The following MDGA2 variants were observed in gnomAD, a reference collection of about 807,000 sequenced individuals.
MDGA2 encodes the protein MAM domain-containing glycosylphosphatidylinositol anchor protein 2.
A neutral mutation model predicts 117.8 loss-of-function variants in MDGA2; 40 were observed. The observed-to-expected ratio is 0.34, with a 90% CI of 0.26 to 0.44. The LOEUF is 0.44. Ranked by LOEUF, MDGA2 falls within the 20% of genes least tolerant of loss-of-function variation. The pLI is 1.00. For synonymous variants in MDGA2, 452 were observed against 439.0 expected (o/e 1.03, Z -0.37); for missense variants, 1,123 against 1,250.6 (o/e 0.90, Z 1.54).
intron 7 of MDGA2, among the ~76,000 whole-genome samples, chr14:47,059,810 G>C (rs1194876314): frequency 6.6e-6 from 1 of 152,072 alleles, no homozygotes; most frequent in Non-Finnish European, 1.5e-5. Context: ...ATTAAGTCTA[G>C]AACATTTATG....
intron 1 of MDGA2, among the ~76,000 whole-genome samples, chr14:47,403,819 G>A (rs1382725003): frequency 6.6e-6 from 1 of 152,042 alleles, no homozygotes; most frequent in East Asian, 1.9e-4. Context: ...CATGAAACAG[G>A]CCATAAAAAT....
chr14:47,388,011 T>C (rs1444577253), intron 1 of MDGA2, among the ~76,000 whole-genome samples: 1 of 152,234 alleles, frequency 6.6e-6, no homozygotes, highest in East Asian at 1.9e-4. Flanking sequence ...CTGATCCTAA[T>C]GTATGGTTAC....
intron 1 of MDGA2, among the ~76,000 whole-genome samples, chr14:47,312,038 T>C (rs1023899082): frequency 1.3e-5 from 2 of 152,128 alleles, no homozygotes; most frequent in African/African-American, 4.8e-5. Flanking sequence ...AGTAAAAACA[T>C]TTGTCTAAAC....
At chr14:47,275,906 C>T (rs1010625303) in intron 2 of MDGA2, among the ~76,000 whole-genome samples, 2 of 152,104 alleles carry the variant, frequency 1.3e-5, no homozygotes, top group Non-Finnish European at 1.5e-5. Context: ...CCTGCATTAA[C>T]TTTGTGTCCT....
chr14:47,354,681 T>G (rs1442036448), intron 1 of MDGA2, among the ~76,000 whole-genome samples: 1 of 152,142 alleles, frequency 6.6e-6, no homozygotes, highest in Non-Finnish European at 1.5e-5. Context: ...TTGCAAATAA[T>G]AAAACCCCTT....
intron 1 of MDGA2, among the ~76,000 whole-genome samples, chr14:47,386,243 G>A (rs550708582): frequency 6.6e-6 from 1 of 152,168 alleles, no homozygotes; most frequent in South Asian, 2.1e-4. Flanking sequence ...ATCGCACCAT[G>A]CACTCCAGTG....
At chr14:47,394,052 C>CT (rs1891954175) in intron 1 of MDGA2, among the ~76,000 whole-genome samples, 1 of 152,026 alleles carries the variant, frequency 6.6e-6, no homozygotes, top group Non-Finnish European at 1.5e-5. Context: ...TTCTGGCTCC[C>CT]TTTTTTCCCC....
At chr14:47,335,340 A>G (rs113075551) in intron 1 of MDGA2, among the ~76,000 whole-genome samples, 3 of 149,434 alleles carry the variant, frequency 2.0e-5, no homozygotes, top group African/African-American at 7.3e-5. Flanking sequence ...TTTTAAATAG[A>G]TTGGGTCAGG....
At chr14:47,322,824 C>G (rs968952188) in intron 1 of MDGA2, among the ~76,000 whole-genome samples, 1 of 151,972 alleles carries the variant, frequency 6.6e-6, no homozygotes, top group Non-Finnish European at 1.5e-5. Context: ...AGCCAAAATA[C>G]AAATGCAGGA....
chr14:46,997,801 T>TA (rs892072737), intron 8 of MDGA2, among the ~76,000 whole-genome samples: 24 of 152,168 alleles, frequency 1.6e-4, no homozygotes, highest in African/African-American at 4.1e-4. Context: ...TGTTGTATTG[T>TA]AAAAAAATGC....
intron 9 of MDGA2, among the ~76,000 whole-genome samples, chr14:46,933,799 A>AATATATATAT (rs34723414): frequency 3.0e-4 from 26 of 87,316 alleles, no homozygotes; most frequent in African/African-American, 4.7e-4. Flanking sequence ...TTATGTAACA[A>AATATATATAT]ATATATATAT....
At chr14:47,286,803 T>TTATATATATA (rs34614614) in intron 2 of MDGA2, among the ~76,000 whole-genome samples, 1,403 of 129,976 alleles carry the variant, frequency 0.011, 35 homozygotes, top group East Asian at 0.079. Context: ...AGGCATATCA[T>TTATATATATA]TATATATATA....
At chr14:47,669,466 G>A (rs748337285) in intron 1 of MDGA2, among the ~76,000 whole-genome samples, 3 of 152,134 alleles carry the variant, frequency 2.0e-5, no homozygotes, top group South Asian at 2.1e-4. Context: ...AATCCACTTA[G>A]GGGCTTTCCC....
intron 1 of MDGA2, among the ~76,000 whole-genome samples, chr14:47,466,920 T>C (rs1893616480): frequency 6.6e-6 from 1 of 151,982 alleles, no homozygotes; most frequent in Non-Finnish European, 1.5e-5. Context: ...ACAATGTAAG[T>C]AAAAGAAGGA....
intron 1 of MDGA2, among the ~76,000 whole-genome samples, chr14:47,562,237 C>T (rs1365502369): frequency 6.6e-6 from 1 of 152,076 alleles, no homozygotes; most frequent in Non-Finnish European, 1.5e-5. Context: ...ATGGTGCTGG[C>T]CTCATAGAGT....
At position 46,853,621 on chromosome 14, in the gene MDGA2, T is replaced by TAA. The variant is rs149867072; in HGVS notation, c.2883+1401_2883+1402dup. 2.7e-5 allele frequency among the ~76,000 whole-genome samples: 4 copies of TAA among 146,852 alleles called. 1 individual carries two copies. The highest frequency in any genetic ancestry group is 9.9e-5 in the African/African-American group (4 of 40,270). On this transcript the variant is annotated intron_variant, in intron 15 of 16. Transcript: ENST00000399232. ...GTATGGTACAATATCTGAAAAGTTCTAAAAAAAAAACAACAAGGATGCTAT... is the reference window on the plus strand; with the variant it reads ...GTATGGTACAATATCTGAAAAGTTCTAAAAAAAAAAAACAACAAGGATGCTAT...
At chr14:47,495,375 A>G (rs921270325) in intron 1 of MDGA2, among the ~76,000 whole-genome samples, 13 of 152,204 alleles carry the variant, frequency 8.5e-5, no homozygotes, top group Admixed American at 8.5e-4. Flanking sequence ...CAATACATCC[A>G]TGTAACACAA....
intron 4 of MDGA2, among the ~76,000 whole-genome samples, chr14:47,143,431 G>A (rs562795805): frequency 2.7e-4 from 41 of 151,810 alleles, no homozygotes; most frequent in African/African-American, 5.3e-4. Context: ...ATATTCCCAC[G>A]AATTTCAATA....
intron 7 of MDGA2, among the ~76,000 whole-genome samples, chr14:47,057,020 C>T (rs571532848): frequency 6.6e-6 from 1 of 152,040 alleles, no homozygotes; most frequent in East Asian, 1.9e-4. Flanking sequence ...TAAAATATAG[C>T]TTCAGTAATA....
Sources: allele counts gnomAD v4.1 joint callset (sites outside exome capture counted in the v4.1 genomes callset), GRCh38; gene constraint gnomAD v4.1.1; transcripts MANE v1.5; gene names NCBI Gene and HGNC (gene_info 2026-07-23, HGNC 2026-07-21).